Variants in UNC79 observed in about 807,000 individuals in gnomAD.
UNC79 encodes protein unc-79 homolog.
UNC79 carries 37 observed loss-of-function variants against 283.1 expected under a neutral mutation model. The ratio of observed to expected loss-of-function variants is 0.13; its 90% CI spans 0.10 to 0.17. UNC79 has a LOEUF of 0.17. Among genes scored for constraint, UNC79 ranks in the 10% least tolerant of loss-of-function variants. The pLI, the probability that UNC79 is intolerant of heterozygous loss-of-function variation, is 1.00. For missense variants in UNC79, 2,272 were observed against 3,211.1 expected (o/e 0.71, Z 7.07); for synonymous variants, 1,107 against 1,200.2 (o/e 0.92, Z 1.61).
intron 10 of UNC79, among the ~76,000 whole-genome samples, chr14:93,532,176 G>A (rs1262375889): frequency 6.6e-6 from 1 of 151,942 alleles, no homozygotes; most frequent in Admixed American, 6.5e-5. Context: ...TTTTAAATGG[G>A]CTCTAGACCT....
At chr14:93,503,068 A>G (rs2059373094) in intron 7 of UNC79, among the ~76,000 whole-genome samples, 1 of 152,176 alleles carries the variant, frequency 6.6e-6, no homozygotes, top group Non-Finnish European at 1.5e-5. Context: ...ACCACCTCCT[A>G]CCATATGTTC....
In UNC79 at chr14:93,694,423, C is replaced by G. The variant is rs777695083; in HGVS notation, c.7548+11C>G. ...ACCATTTTTGTCAAGGTAGGAAAAC[C>G]TTATGATTTTTAAAGACCATTTCTT... On this transcript the variant is annotated intron_variant, in intron 47 of 48. Transcript: ENST00000555664. 4 of 1,604,526 alleles carry G rather than the reference C, an allele frequency of 2.5e-6. No homozygotes were observed. The East Asian group carries it at 9.0e-5, about 36-fold the overall frequency.
intron 16 of UNC79, among the ~76,000 whole-genome samples, chr14:93,574,773 G>A (rs1425731356): frequency 6.6e-6 from 1 of 152,012 alleles, no homozygotes; most frequent in Non-Finnish European, 1.5e-5. Flanking sequence ...AGGCACTAGT[G>A]GTGGGTATGG....
chr14:93,565,679 AAC>A (rs1234079538), intron 14 of UNC79, among the ~76,000 whole-genome samples: 2 of 151,520 alleles, frequency 1.3e-5, no homozygotes, highest in Non-Finnish European at 2.9e-5. Flanking sequence ...ACAGCAAACT[AAC>A]AGTCAGTAGC....
At chr14:93,697,704 A>C (rs2075248268) in intron 47 of UNC79, among the ~76,000 whole-genome samples, 1 of 152,160 alleles carries the variant, frequency 6.6e-6, no homozygotes, top group African/African-American at 2.4e-5. Flanking sequence ...CAAGGAGTTC[A>C]AGACCAGCCT....
At position 93,430,853 on chromosome 14, in the gene UNC79, T is replaced by G; in HGVS notation, c.-177T>G. The G allele has an allele frequency of 4.0e-6, 2 of 496,412 alleles. No homozygotes were observed. Among genetic ancestry groups the G allele is most frequent in the Non-Finnish European group, 3.7e-6 (1 of 270,322 alleles). The allele number at this position is 496,412 out of a possible 1,614,324, so 30.8% of individuals were successfully genotyped here. A position where few individuals can be genotyped will look rare whatever the true frequency, so the allele number is the denominator to read the frequency against. Reference sequence around the variant, plus strand: ...GATTTCCTAACCTTCCGGGACCGAATTCTGCAATTTGATGTGCGTTTTGTC... The same window carrying G: ...GATTTCCTAACCTTCCGGGACCGAAGTCTGCAATTTGATGTGCGTTTTGTC... On this transcript the variant is annotated 5_prime_UTR_variant, in exon 1 of 49. Coordinates refer to ENST00000555664, the Ensembl canonical transcript of UNC79. The surrounding 1 kb of genome is among the most constrained non-coding windows in gnomAD (Gnocchi z 4.6).
chr14:93,629,470 T>C (rs1949714234), intron 30 of UNC79, among the ~76,000 whole-genome samples: 2 of 152,202 alleles, frequency 1.3e-5, no homozygotes, highest in African/African-American at 4.8e-5. Context: ...AATTTAACAT[T>C]AGTCATTATG....
chr14:93,339,274 T>G (rs2053648015), intron 1 of UNC79, among the ~76,000 whole-genome samples: 1 of 152,018 alleles, frequency 6.6e-6, no homozygotes. Context: ...CAGGACTTGA[T>G]CAGCTCTAGA....
intron 1 of UNC79, among the ~76,000 whole-genome samples, chr14:93,453,189 C>A (rs1455176338): frequency 6.6e-6 from 1 of 152,186 alleles, no homozygotes; most frequent in Non-Finnish European, 1.5e-5. Context: ...TTAGGCAATT[C>A]TGGGCTATCT....
chr14:93,404,702 A>G (rs2055191472), intron 1 of UNC79, among the ~76,000 whole-genome samples: 1 of 150,850 alleles, frequency 6.6e-6, no homozygotes, highest in African/African-American at 2.4e-5. Context: ...GATATGAAAT[A>G]TAAGCTTAAG....
intron 24 of UNC79, 99 bp from the exon 25 acceptor site, chr14:93,600,470 T>C: frequency 1.3e-6 from 1 of 783,330 alleles, no homozygotes; most frequent in South Asian, 1.9e-5. Context: ...GTAGGCTGCC[T>C]TGTTTCATTG....
At chr14:93,567,374 C>T (rs926535999) in intron 14 of UNC79, among the ~76,000 whole-genome samples, 2 of 152,164 alleles carry the variant, frequency 1.3e-5, no homozygotes, top group Non-Finnish European at 2.9e-5. Context: ...TACAGGTGCC[C>T]ACCACCATGC....
At chr14:93,595,806 G>A (rs574881483) in intron 23 of UNC79, among the ~76,000 whole-genome samples, 2 of 152,258 alleles carry the variant, frequency 1.3e-5, no homozygotes, top group African/African-American at 4.8e-5. Flanking sequence ...ATAGTTGTAC[G>A]TGTCTTATCT....
chr14:93,646,982 T>C lies in UNC79; in HGVS notation c.6083+336T>C, dbSNP rs142650363. 4.6e-3 allele frequency among the ~76,000 whole-genome samples: 700 copies of C among 152,364 alleles called. 6 individuals are homozygous for C. The highest frequency in any genetic ancestry group is 0.016 in the African/African-American group (679 of 41,586). On this transcript the variant is annotated intron_variant, in intron 35 of 48. Transcript: ENST00000555664. ...TATTCATTCATTCATTCACTCATTT[T>C]AGCCAACAAATACTTTTAAGCCCAC...
intron 37 of UNC79, among the ~76,000 whole-genome samples, chr14:93,654,668 C>T (rs1248604220): frequency 6.6e-6 from 1 of 151,414 alleles, no homozygotes; most frequent in African/African-American, 2.4e-5. Flanking sequence ...AGAATAGTGT[C>T]AGTTGGACAT....
At chr14:93,418,682 G>A (rs946254887) in intron 1 of UNC79, among the ~76,000 whole-genome samples, 8 of 151,758 alleles carry the variant, frequency 5.3e-5, no homozygotes, top group South Asian at 2.1e-4. Context: ...CACCCAGTTC[G>A]AGCTTCCCGC....
At chr14:93,634,783 G>A (rs1217164526) in intron 31 of UNC79, 146 bp downstream of exon 34, 1 of 719,762 alleles carries the variant, frequency 1.4e-6, no homozygotes, top group Non-Finnish European at 2.4e-6. Flanking sequence ...AAGGTAATTA[G>A]TAAGTCTATT....
chr14:93,529,227 T>G, intron 9 of UNC79, 59 bp from the exon 10 acceptor site: 3 of 1,585,968 alleles, frequency 1.9e-6, no homozygotes, highest in Non-Finnish European at 2.6e-6. Flanking sequence ...TTATAAACAT[T>G]CATGTGGAAG....
At chr14:93,572,454 CTAATATGAGGAAGAACAGTAATGTTA>C (rs374415791) in intron 15 of UNC79, among the ~76,000 whole-genome samples, 309 of 152,246 alleles carry the variant, frequency 2.0e-3, no homozygotes, top group African/African-American at 3.8e-3. Context: ...TCTGTTAAAC[CTAATATGAGGAAGAACAGTAATGTTA>C]TTAACAACCA....
Sources: gnomAD v4.1 joint callset for allele counts (sites outside exome capture counted in the v4.1 genomes callset) on GRCh38, gnomAD v4.1.1 for gene constraint, Gnocchi (gnomAD v3.1) non-coding constraint, MANE v1.5 for transcripts, NCBI Gene and HGNC (gene_info 2026-07-23, HGNC 2026-07-21) for gene names.